The following ZNF385B variants were observed in gnomAD, a reference collection of about 807,000 sequenced individuals.
ZNF385B encodes zinc finger protein 533.
ZNF385B carries 23 observed loss-of-function variants against 39.2 expected under a neutral mutation model. The ratio of observed to expected loss-of-function variants is 0.59; its 90% confidence interval spans 0.42 to 0.83. The LOEUF is 0.83. Among genes scored for constraint, ZNF385B ranks in the 40% least tolerant of loss-of-function variants. The pLI is 0.00. For missense variants in ZNF385B, 552 were observed against 598.9 expected, an observed-to-expected ratio of 0.92 and a Z score of 0.82; for synonymous variants, 205 against 222.6, an observed-to-expected ratio of 0.92 and a Z score of 0.70.
chr2:179,859,192 A>T (rs1684842603), intron 1 of ZNF385B, among the ~76,000 whole-genome samples: 1 of 152,186 alleles, frequency 6.6e-6, no homozygotes, highest in African/African-American at 2.4e-5. Context: ...AATTGGCCAT[A>T]TTTGGGTGAC....
intron 3 of ZNF385B, among the ~76,000 whole-genome samples, chr2:179,574,518 G>T (rs1168763556): frequency 7.2e-5 from 11 of 152,088 alleles, no homozygotes; most frequent in Non-Finnish European, 1.5e-4. Flanking sequence ...AATAAACAAT[G>T]ATAAAATCTG....
intron 3 of ZNF385B, among the ~76,000 whole-genome samples, chr2:179,764,437 T>A (rs1703575502): frequency 6.6e-6 from 1 of 152,174 alleles, no homozygotes; most frequent in Admixed American, 6.5e-5. Flanking sequence ...TATTTACACT[T>A]AAAGTAATTA....
intron 5 of ZNF385B, among the ~76,000 whole-genome samples, chr2:179,485,855 T>A (rs2054512270): frequency 1.3e-5 from 2 of 152,154 alleles, no homozygotes; most frequent in African/African-American, 4.8e-5. Flanking sequence ...TTCCCTAGCA[T>A]ATAACCCAGG....
intron 3 of ZNF385B, among the ~76,000 whole-genome samples, chr2:179,569,590 T>C (rs911120791): frequency 6.6e-6 from 1 of 152,166 alleles, no homozygotes; most frequent in Non-Finnish European, 1.5e-5. Flanking sequence ...AAACCAAAAA[T>C]GTATTTGTGA....
chr2:179,520,364 TATC>T (rs2058396262), intron 4 of ZNF385B, among the ~76,000 whole-genome samples: 1 of 152,100 alleles, frequency 6.6e-6, no homozygotes, highest in Non-Finnish European at 1.5e-5. Context: ...AAATCTAACA[TATC>T]ATTACTGGAA....
rs1708418713 is a variant in ZNF385B, at chr2:179,839,199, G to A, written c.-155+21902C>T. ...CGTATTTGGCATTCATTAAAAACCA[G>A]CTACAAAAGCTGTAGCCAGTGAGCC... is the stretch of plus-strand genomic sequence containing the variant. On this transcript the variant is annotated intron_variant, in intron 1 of 9. Transcript: ENST00000410066. 2.6e-5 allele frequency among the ~76,000 whole-genome samples: 4 copies of A among 152,240 alleles called. No individual in the cohort carries two copies. In the South Asian group the frequency reaches 6.2e-4, roughly 24 times the overall value.
chr2:179,482,419 C>T (rs2054099188), intron 6 of ZNF385B, among the ~76,000 whole-genome samples: 1 of 152,194 alleles, frequency 6.6e-6, no homozygotes, highest in Non-Finnish European at 1.5e-5. Flanking sequence ...GTCACTGAAA[C>T]AAGATGACAT....
chr2:179,537,767 A>AAAC (rs1553602333), intron 4 of ZNF385B, among the ~76,000 whole-genome samples: 10,422 of 125,224 alleles, frequency 0.083, 514 homozygotes, highest in African/African-American at 0.17. Context: ...ACAAACAAAC[A>AAAC]AAAAAAAAAA....
In ZNF385B at chr2:179,838,878, A is replaced by G. The variant is rs149325323; in HGVS notation, c.-155+22223T>C. The stretch of plus-strand genomic sequence containing the variant: ...AGTTTTGCTTAAAATATGAACCAAT[A>G]ATAATTAAACTAGAGCTAAATATGA... On this transcript the variant is annotated intron_variant, in intron 1 of 9. Transcript: ENST00000410066. 6.6e-3 allele frequency among the ~76,000 whole-genome samples: 979 copies of G among 149,324 alleles called. 13 individuals are homozygous for G. Among genetic ancestry groups the G allele is most frequent in the African/African-American group, 0.023 (928 of 40,712 alleles).
At chr2:179,711,880 C>A (rs539959827) in intron 3 of ZNF385B, among the ~76,000 whole-genome samples, 1 of 130,806 alleles carries the variant, frequency 7.6e-6, no homozygotes. Context: ...ATATAAACTG[C>A]ATTTTTTTTT....
At chr2:179,658,119 A>G (rs1167984652) in intron 3 of ZNF385B, among the ~76,000 whole-genome samples, 1 of 152,220 alleles carries the variant, frequency 6.6e-6, no homozygotes, top group Non-Finnish European at 1.5e-5. Flanking sequence ...ATCCCTTTTA[A>G]AAAATATGTA....
chr2:179,652,846 CAAAAAA>C (rs10653511), intron 3 of ZNF385B, among the ~76,000 whole-genome samples: 1 of 140,498 alleles, frequency 7.1e-6, no homozygotes, highest in African/African-American at 2.6e-5. Context: ...AGCAAAGCAC[CAAAAAA>C]AAAAAAAAAT....
At chr2:179,696,913 A>G (rs1013399985) in intron 3 of ZNF385B, among the ~76,000 whole-genome samples, 1 of 152,192 alleles carries the variant, frequency 6.6e-6, no homozygotes, top group African/African-American at 2.4e-5. Context: ...GAAAGGGACA[A>G]CAATAGTCGA....
At chr2:179,486,929 A>C (rs2105620153) in intron 5 of ZNF385B, among the ~76,000 whole-genome samples, 1 of 152,320 alleles carries the variant, frequency 6.6e-6, no homozygotes, top group South Asian at 2.1e-4. Flanking sequence ...AAAAACAAAA[A>C]ACAAAAAACA....
Position 179,445,412 on chromosome 2 carries a change from T to C in ZNF385B, c.1140+138A>G, listed in dbSNP as rs1033112907. The C allele has an allele frequency of 2.9e-5, 21 of 727,360 alleles. No individual in the cohort carries two copies. In the African/African-American group the frequency reaches 3.6e-4, roughly 12 times the overall value. The allele number at this position is 727,360 out of a possible 1,614,324, so 45.1% of individuals were successfully genotyped here. On this transcript the variant is annotated intron_variant, in intron 8 of 9. Coordinates refer to ENST00000410066, the MANE Select transcript of ZNF385B (RefSeq NM_152520.6). ...ACTTTTTCTTCCATGTTAGCACCTATATGTTGCATATTGTCTGCATCCTAC... is the reference window on the plus strand; with the variant it reads ...ACTTTTTCTTCCATGTTAGCACCTACATGTTGCATATTGTCTGCATCCTAC...
chr2:179,696,326 C>CTTTTTTTTTTTTTTTTTTTGTTTTTTT lies in ZNF385B; in HGVS notation c.298+73176_298+73177insAAAAAAACAAAAAAAAAAAAAAAAAAA, dbSNP rs1698749774. 5.0e-5 allele frequency among the ~76,000 whole-genome samples: 2 copies of CTTTTTTTTTTTTTTTTTTTGTTTTTTT among 40,354 alleles called. 1 individual carries two copies. The allele number at this position is 40,354 out of a possible 152,430, so 26.5% of individuals were successfully genotyped here. On this transcript the variant is annotated intron_variant, in intron 3 of 9. Transcript: ENST00000410066. ...CTGGGACACTAGGTACAAACTGGGA[C>CTTTTTTTTTTTTTTTTTTTGTTTTTTT]TTTTTTTTTTTTTTTTTTTTTTTGC...
At chr2:179,482,274 A>C (rs970649687) in intron 6 of ZNF385B, among the ~76,000 whole-genome samples, 3 of 152,200 alleles carry the variant, frequency 2.0e-5, no homozygotes, top group Non-Finnish European at 2.9e-5. Flanking sequence ...AAAATTCTCC[A>C]ATGATTTGAG....
At chr2:179,759,516 T>C (rs562412931) in intron 3 of ZNF385B, among the ~76,000 whole-genome samples, 2 of 152,244 alleles carry the variant, frequency 1.3e-5, no homozygotes, top group East Asian at 1.9e-4. Flanking sequence ...CTTCCTCTTT[T>C]CCCCCAAATC....
At chr2:179,489,238 G>A (rs911802944) in intron 5 of ZNF385B, among the ~76,000 whole-genome samples, 1 of 152,178 alleles carries the variant, frequency 6.6e-6, no homozygotes, top group African/African-American at 2.4e-5. Flanking sequence ...TGTTTCCTGG[G>A]CACATACACT....
Sources: allele counts gnomAD v4.1 joint callset (sites outside exome capture counted in the v4.1 genomes callset), GRCh38; gene constraint gnomAD v4.1.1; transcripts MANE v1.5; gene names NCBI Gene and HGNC (gene_info 2026-07-23, HGNC 2026-07-21).